MTUS2: variants seen among roughly 807,000 people sequenced by gnomAD.
MTUS2 encodes the protein microtubule-associated tumor suppressor candidate 2.
A neutral mutation model predicts 114.1 loss-of-function variants in MTUS2; 40 were observed. The observed-to-expected ratio is 0.35, with a 90% CI of 0.27 to 0.46. The LOEUF (loss-of-function observed/expected upper bound fraction) is 0.46. Among genes scored for constraint, MTUS2 ranks in the 20% least tolerant of loss-of-function variants. The pLI, the probability that MTUS2 is intolerant of heterozygous loss-of-function variation, is 1.00. For missense variants in MTUS2, 1,679 were observed against 1,705.4 expected (o/e 0.98, Z 0.27); for synonymous variants, 688 against 672.0 (o/e 1.02, Z -0.37).
At chr13:29,389,323 A>ATGTGTGTATATATGTATGCACG (rs1566172292) in intron 8 of MTUS2, among the ~76,000 whole-genome samples, 1 of 62,168 alleles carries the variant, frequency 1.6e-5, no homozygotes, top group African/African-American at 4.8e-5. Context: ...GTATACACAT[A>ATGTGTGTATATATGTATGCACG]TGTGTGTATA....
At chr13:29,074,719 G>A (rs1220565052) in intron 4 of MTUS2, among the ~76,000 whole-genome samples, 1 of 152,088 alleles carries the variant, frequency 6.6e-6, no homozygotes, top group Non-Finnish European at 1.5e-5. Flanking sequence ...GGCTGATCTT[G>A]TTCCCAGTTT....
intron 2 of MTUS2, among the ~76,000 whole-genome samples, chr13:28,865,339 G>T (rs1167639807): frequency 6.7e-6 from 1 of 149,690 alleles, no homozygotes; most frequent in Admixed American, 6.6e-5. Flanking sequence ...GGTGCTAATG[G>T]AGTCCTTTTT....
At chr13:29,467,553 T>C (rs1879974596) in intron 9 of MTUS2, among the ~76,000 whole-genome samples, 1 of 152,188 alleles carries the variant, frequency 6.6e-6, no homozygotes, top group Non-Finnish European at 1.5e-5. Flanking sequence ...AAATGGGCTC[T>C]CTGCAAAACC....
rs867753811 is a variant in MTUS2 at position 29,317,728 on chromosome 13, G to A, written c.2807-6885G>A. 9.3e-5 allele frequency among the ~76,000 whole-genome samples: 14 copies of A among 151,210 alleles called. 6 individuals are homozygous for A. The highest frequency in any genetic ancestry group is 6.8e-3 in the Middle Eastern group (2 of 294). ...GCTGGGATTACAGGCGTGAGCCACCGCGCCCGGCCTCTCTCTTTAGTTTAT... is the reference window on the plus strand; with the variant it reads ...GCTGGGATTACAGGCGTGAGCCACCACGCCCGGCCTCTCTCTTTAGTTTAT... On this transcript the variant is annotated intron_variant, in intron 6 of 15. Coordinates refer to ENST00000612955, the MANE Select transcript of MTUS2 (RefSeq NM_001033602.4).
In MTUS2 at chr13:29,257,724, G is replaced by T. The variant is rs74876869; in HGVS notation, c.2645-23980G>T. On this transcript the variant is annotated intron_variant, in intron 5 of 15. Coordinates refer to ENST00000612955, the MANE Select transcript of MTUS2 (RefSeq NM_001033602.4). ...ACTGAATACCTACTGACATGTCAGG[G>T]ACTCTGCTGGATATTTTAGGTTATT... Among the ~76,000 whole-genome samples, 168 of 152,334 alleles carry T rather than the reference G, an allele frequency of 1.1e-3. 3 individuals are homozygous for T. In the East Asian group the frequency reaches 0.031, roughly 28 times the overall value.
intron 4 of MTUS2, among the ~76,000 whole-genome samples, chr13:29,052,015 T>C (rs1346261891): frequency 6.6e-6 from 1 of 152,220 alleles, no homozygotes; most frequent in Non-Finnish European, 1.5e-5. Flanking sequence ...ATCACTTCTC[T>C]ACTGACCTTG....
chr13:29,437,023 TC>T (rs1427547207), intron 8 of MTUS2, among the ~76,000 whole-genome samples: 1 of 152,176 alleles, frequency 6.6e-6, no homozygotes, highest in African/African-American at 2.4e-5. Flanking sequence ...CATAGGGCCT[TC>T]CAGCCACTCC....
intron 2 of MTUS2, among the ~76,000 whole-genome samples, chr13:28,919,772 C>T (rs779100689): frequency 7.9e-5 from 12 of 152,154 alleles, no homozygotes; most frequent in African/African-American, 2.9e-4. Context: ...TTTATTCTTT[C>T]ATTTCCTCTG....
intron 5 of MTUS2, among the ~76,000 whole-genome samples, chr13:29,179,592 T>C (rs1382945467): frequency 6.6e-6 from 1 of 152,186 alleles, no homozygotes; most frequent in Non-Finnish European, 1.5e-5. Flanking sequence ...CCTTAACAAA[T>C]GGAATTTTCT....
intron 5 of MTUS2, among the ~76,000 whole-genome samples, chr13:29,187,968 T>C (rs1593576851): frequency 6.6e-6 from 1 of 152,332 alleles, no homozygotes; most frequent in South Asian, 2.1e-4. Flanking sequence ...ACGGCAGATA[T>C]CACTTCCACA....
At position 29,187,354 on chromosome 13, in the gene MTUS2, G is replaced by C. The variant is rs529577459; in HGVS notation, c.2644+86384G>C. The stretch of plus-strand genomic sequence containing the variant: ...AACAAAATTGACAAACTATTAGCTT[G>C]ACAGACCAAGAGAAATTAAAGAGAA... On this transcript the variant is annotated intron_variant, in intron 5 of 15. Transcript: ENST00000612955. Among the ~76,000 whole-genome samples the C allele has an allele frequency of 5.3e-5, 8 of 152,212 alleles. No individual in the cohort carries two copies. In the South Asian group the frequency reaches 1.7e-3, roughly 32 times the overall value.
Position 29,389,275 on chromosome 13 carries a change from A to G in MTUS2, c.3117+29802A>G, listed in dbSNP as rs186130990. Reference sequence around the variant, plus strand: ...TGTATACACATGTGTGTATATATGTATATATGTATACACATATGTGTGTAT... The same window carrying G: ...TGTATACACATGTGTGTATATATGTGTATATGTATACACATATGTGTGTAT... On this transcript the variant is annotated intron_variant, in intron 8 of 15. Coordinates refer to ENST00000612955, the MANE Select transcript of MTUS2 (RefSeq NM_001033602.4). Among the ~76,000 whole-genome samples the G allele has an allele frequency of 3.5e-3, 530 of 150,050 alleles. 55 individuals are homozygous for G. Among genetic ancestry groups the G allele is most frequent in the African/African-American group, 0.013 (522 of 40,386 alleles).
At chr13:29,442,095 G>A (rs1172714021) in intron 9 of MTUS2, among the ~76,000 whole-genome samples, 1 of 152,114 alleles carries the variant, frequency 6.6e-6, no homozygotes, top group African/African-American at 2.4e-5. Context: ...GGGAGACCTT[G>A]CCTCATCCCC....
intron 8 of MTUS2, among the ~76,000 whole-genome samples, chr13:29,430,804 G>A (rs917369774): frequency 1.3e-5 from 2 of 152,120 alleles, no homozygotes; most frequent in Non-Finnish European, 2.9e-5. Context: ...GAGCATGATA[G>A]GATTCCATTC....
chr13:28,979,231 T>C (rs1010948996), intron 2 of MTUS2, among the ~76,000 whole-genome samples: 1 of 152,190 alleles, frequency 6.6e-6, no homozygotes, highest in Non-Finnish European at 1.5e-5. Context: ...AGGTACTCTG[T>C]GTTGAGAGGT....
intron 10 of MTUS2, chr13:29,484,043 C>T (rs2138921316): frequency 6.6e-6 from 1 of 152,332 alleles, no homozygotes; most frequent in East Asian, 1.9e-4. Context: ...CAACTTGCTC[C>T]AGAGCCACTC....
At chr13:28,835,213 C>G (rs1005747094) in intron 1 of MTUS2, among the ~76,000 whole-genome samples, 1 of 152,118 alleles carries the variant, frequency 6.6e-6, no homozygotes, top group African/African-American at 2.4e-5. Flanking sequence ...AAAACTTGCA[C>G]ATGAATGTGT....
chr13:29,116,424 T>G (rs953406113), intron 5 of MTUS2, among the ~76,000 whole-genome samples: 2 of 152,192 alleles, frequency 1.3e-5, no homozygotes, highest in African/African-American at 4.8e-5. Context: ...GGTTCTATTA[T>G]GTACATCAAT....
chr13:29,379,128 G>T (rs1055868348), intron 8 of MTUS2, among the ~76,000 whole-genome samples: 9 of 152,230 alleles, frequency 5.9e-5, no homozygotes, highest in African/African-American at 2.2e-4. Context: ...CTGCGGAACT[G>T]TAAGTCAATT....
Sources: allele counts gnomAD v4.1 joint callset (sites outside exome capture counted in the v4.1 genomes callset), GRCh38; gene constraint gnomAD v4.1.1; transcripts MANE v1.5; gene names NCBI Gene and HGNC (gene_info 2026-07-23, HGNC 2026-07-21).